Variants in SHROOM3 observed in about 807,000 individuals in gnomAD.
SHROOM3 encodes shroom family member 3.
In SHROOM3, 47 loss-of-function variants were observed where a neutral mutation model predicts 138.6. The observed-to-expected ratio is 0.34, with a 90% CI of 0.27 to 0.43. The LOEUF is 0.43. Ranked by LOEUF, SHROOM3 falls within the 20% of genes least tolerant of loss-of-function variation. The pLI is 1.00. For synonymous variants in SHROOM3, 1,062 were observed against 1,063.3 expected, an observed-to-expected ratio of 1.00 and a Z score of 0.02; for missense variants, 2,491 against 2,596.5, an observed-to-expected ratio of 0.96 and a Z score of 0.88.
chr4:76,618,610 A>G (rs1734932994), intron 2 of SHROOM3, among the ~76,000 whole-genome samples: 1 of 152,212 alleles, frequency 6.6e-6, no homozygotes, highest in Non-Finnish European at 1.5e-5. Flanking sequence ...CCTATGTACT[A>G]TAATATTTTT....
intron 1 of SHROOM3, among the ~76,000 whole-genome samples, chr4:76,521,924 C>T (rs942168031): frequency 3.3e-5 from 5 of 152,142 alleles, no homozygotes; most frequent in African/African-American, 4.8e-5. Flanking sequence ...TGATATGATG[C>T]ACTGGCAAGG....
chr4:76,515,366 A>C (rs1156971373), intron 1 of SHROOM3, among the ~76,000 whole-genome samples: 2 of 152,070 alleles, frequency 1.3e-5, no homozygotes, highest in East Asian at 3.9e-4. Flanking sequence ...AGCCTGGATG[A>C]CATAATGAGA....
chr4:76,497,292 C>T (rs916417395), intron 1 of SHROOM3, among the ~76,000 whole-genome samples: 5 of 152,182 alleles, frequency 3.3e-5, no homozygotes, highest in East Asian at 1.9e-4. Context: ...GTAGCTTGTT[C>T]CTAGAGAAAC....
At chr4:76,458,746 T>A (rs1376532752) in intron 1 of SHROOM3, among the ~76,000 whole-genome samples, 1 of 152,210 alleles carries the variant, frequency 6.6e-6, no homozygotes, top group African/African-American at 2.4e-5. Flanking sequence ...ACCCTCTTTG[T>A]AGTTTGTTTG....
At chr4:76,461,059 G>T (rs1379167984) in intron 1 of SHROOM3, among the ~76,000 whole-genome samples, 5 of 151,248 alleles carry the variant, frequency 3.3e-5, no homozygotes, top group Non-Finnish European at 2.9e-5. Context: ...ATTGTATTAG[G>T]GCACATCATA....
chr4:76,484,320 C>T (rs60660904), intron 1 of SHROOM3, among the ~76,000 whole-genome samples: 5,678 of 151,962 alleles, frequency 0.037, 118 homozygotes, highest in Middle Eastern at 0.071. Context: ...GCCTGTCATC[C>T]CCGCACTTTG....
chr4:76,755,014 A>T lies in SHROOM3; in HGVS notation c.4531A>T (p.Arg1511Trp), dbSNP rs1013164054. 7 of 1,610,462 alleles carry T rather than the reference A, an allele frequency of 4.3e-6. No homozygotes were observed. The highest frequency in any genetic ancestry group is 5.9e-6 in the Non-Finnish European group (7 of 1,177,350). ...GGATTATGAAGACGAAGTGTTTGTG[A>T]GGGATCCGCACCCCAAGGCCACGTC... ...HEDYEDEVFV[R>W]DPHPKATSSP... Residue 1511 changes from arginine to tryptophan, a missense_variant, in exon 7 of 11, where the codon AGG becomes TGG. By Grantham distance (101) the Arg-to-Trp change is moderately radical. Around this residue, in one of 4 missense-constraint regions of SHROOM3, gnomAD observed 1,733 missense variants for 1,661.6 expected, o/e 1.04. Transcript: ENST00000296043.
At chr4:76,457,853 T>C (rs908237564) in intron 1 of SHROOM3, among the ~76,000 whole-genome samples, 8 of 151,224 alleles carry the variant, frequency 5.3e-5, no homozygotes, top group Admixed American at 2.6e-4. Context: ...TGGAGTGCAG[T>C]GGCCTGATCT....
chr4:76,650,302 G>A (rs1226123869), intron 2 of SHROOM3, among the ~76,000 whole-genome samples: 8 of 152,100 alleles, frequency 5.3e-5, no homozygotes, highest in African/African-American at 1.9e-4. Context: ...GCTGGTGAGA[G>A]TGTAGAGAAA....
At chr4:76,700,901 C>T (rs112220278) in intron 2 of SHROOM3, among the ~76,000 whole-genome samples, 14 of 152,242 alleles carry the variant, frequency 9.2e-5, no homozygotes, top group East Asian at 5.8e-4. Flanking sequence ...TCTCATGCCT[C>T]AGCCTCCTGA....
intron 2 of SHROOM3, among the ~76,000 whole-genome samples, chr4:76,635,288 C>T (rs768401382): frequency 2.6e-5 from 4 of 152,204 alleles, no homozygotes; most frequent in African/African-American, 4.8e-5. Flanking sequence ...GGGTCACTCA[C>T]TGATCAACCA....
chr4:76,726,280 T>A (rs1196580442), intron 3 of SHROOM3, among the ~76,000 whole-genome samples: 1 of 152,126 alleles, frequency 6.6e-6, no homozygotes, highest in Admixed American at 6.5e-5. Flanking sequence ...CCAGGCTCCC[T>A]CTCCCCTAAA....
chr4:76,537,490 A>C (rs1177131547), intron 1 of SHROOM3, among the ~76,000 whole-genome samples: 1 of 152,178 alleles, frequency 6.6e-6, no homozygotes, highest in Non-Finnish European at 1.5e-5. Flanking sequence ...GTTATAGGGC[A>C]AGGATGTGGA....
At chr4:76,597,165 A>T (rs12648995) in intron 2 of SHROOM3, among the ~76,000 whole-genome samples, 89,410 of 152,092 alleles carry the variant, frequency 0.59, 27,027 homozygotes, top group East Asian at 0.85. Context: ...CATGTTTCAT[A>T]AATAAAATGA....
At chr4:76,469,610 C>T (rs1731325052) in intron 1 of SHROOM3, among the ~76,000 whole-genome samples, 1 of 152,140 alleles carries the variant, frequency 6.6e-6, no homozygotes, top group African/African-American at 2.4e-5. Flanking sequence ...GTGCATGCTG[C>T]CACACCCAGC....
intron 2 of SHROOM3, among the ~76,000 whole-genome samples, chr4:76,626,222 C>T (rs76848865): frequency 6.6e-6 from 1 of 152,186 alleles, no homozygotes; most frequent in Admixed American, 6.5e-5. Context: ...AGGAAAATCA[C>T]TCTCTCCAAG....
intron 2 of SHROOM3, among the ~76,000 whole-genome samples, chr4:76,678,586 A>G (rs893082577): frequency 1.3e-5 from 2 of 152,202 alleles, no homozygotes; most frequent in Non-Finnish European, 1.5e-5. Flanking sequence ...TTTTGATGCT[A>G]TGAATAAAAT....
chr4:76,588,323 T>G, intron 2 of SHROOM3, among the ~76,000 whole-genome samples: 1 of 152,196 alleles, frequency 6.6e-6, no homozygotes, highest in Middle Eastern at 3.2e-3. Context: ...GCAAGGGGAT[T>G]AAGTATCTTA....
rs542416496 is a variant in SHROOM3, at chr4:76,547,809, A to T, written c.169-7800A>T. Among the ~76,000 whole-genome samples the T allele has an allele frequency of 5.3e-5, 8 of 152,184 alleles. No individual in the cohort carries two copies. The South Asian group carries it at 1.7e-3, about 32-fold the overall frequency. On this transcript the variant is annotated intron_variant, in intron 1 of 10. Transcript: ENST00000296043. ...ACTGGATGTGGTAGCGTGCGCCTAT[A>T]GTCCCAGCTACTCGAGACACTGAGG...
Sources: gnomAD v4.1 joint callset for allele counts (sites outside exome capture counted in the v4.1 genomes callset) on GRCh38, gnomAD v4.1.1 for gene constraint, gnomAD v4.1.1 regional missense constraint, MANE v1.5 for transcripts, NCBI Gene and HGNC (gene_info 2026-07-23, HGNC 2026-07-21) for gene names.